The following STK33 variants were observed in gnomAD, a reference collection of about 807,000 sequenced individuals.
STK33 encodes serine/threonine kinase 33, also known as serine/threonine-protein kinase 33.
Under a neutral mutation model 58.0 loss-of-function variants are expected in STK33, and 52 were observed. The observed-to-expected ratio is 0.90, with a 90% confidence interval of 0.72 to 1.13. The LOEUF (loss-of-function observed/expected upper bound fraction) is 1.13, where lower values mean the gene tolerates loss of function less well. Among genes scored for constraint, STK33 ranks in the 50% most tolerant of loss-of-function variants. The pLI is 0.00. For synonymous variants in STK33, 215 were observed against 200.1 expected (o/e 1.07, Z -0.63); for missense variants, 630 against 604.2 (o/e 1.04, Z -0.45).
chr11:8,397,315 G>A (rs1057240104), intron 15 of STK33, among the ~76,000 whole-genome samples: 1 of 152,252 alleles, frequency 6.6e-6, no homozygotes, highest in Non-Finnish European at 1.5e-5. Flanking sequence ...AATATCCGCT[G>A]TTCTGCAGCC....
chr11:8,522,760 CTCCCTT>C (rs562547801), intron 1 of STK33, among the ~76,000 whole-genome samples: 40 of 152,276 alleles, frequency 2.6e-4, no homozygotes, highest in South Asian at 1.5e-3. Context: ...CCCTCTCCCT[CTCCCTT>C]TCCCTCTTTC....
chr11:8,478,979 T>C (rs1168706805), intron 2 of STK33, among the ~76,000 whole-genome samples: 1 of 152,240 alleles, frequency 6.6e-6, no homozygotes, highest in African/African-American at 2.4e-5. Flanking sequence ...AAAATTCACA[T>C]TATTTCAGAA....
At chr11:8,418,678 G>T (rs1431936134) in intron 14 of STK33, among the ~76,000 whole-genome samples, 1 of 152,090 alleles carries the variant, frequency 6.6e-6, no homozygotes, top group East Asian at 1.9e-4. Context: ...TTCCCACAAT[G>T]GTTGAACTAT....
intron 14 of STK33, among the ~76,000 whole-genome samples, chr11:8,422,866 C>A (rs1201863079): frequency 6.6e-6 from 1 of 151,558 alleles, no homozygotes; most frequent in Non-Finnish European, 1.5e-5. Flanking sequence ...ACATTGTCAC[C>A]CAGGCTGGAG....
intron 1 of STK33, among the ~76,000 whole-genome samples, chr11:8,555,950 G>A (rs1448191381): frequency 1.3e-5 from 2 of 152,218 alleles, no homozygotes; most frequent in African/African-American, 4.8e-5. Context: ...CAGCTAGGGT[G>A]ATCAGAGAAG....
At chr11:8,526,568 G>C (rs1954044007) in intron 1 of STK33, among the ~76,000 whole-genome samples, 1 of 151,996 alleles carries the variant, frequency 6.6e-6, no homozygotes, top group Non-Finnish European at 1.5e-5. Flanking sequence ...TGAATGTTCA[G>C]AGCAGGATAA....
intron 1 of STK33, among the ~76,000 whole-genome samples, chr11:8,590,879 T>C (rs1041477886): frequency 7.9e-5 from 12 of 152,178 alleles, no homozygotes; most frequent in African/African-American, 2.4e-4. Context: ...AATTTAACAA[T>C]GCCAAAAAAG....
chr11:8,385,258 A>G, the STK33 span, among the ~76,000 whole-genome samples: 1 of 152,136 alleles, frequency 6.6e-6, no homozygotes, highest in Non-Finnish European at 1.5e-5. Context: ...ATTCATTTAC[A>G]CAGAAGACAA....
the STK33 span, among the ~76,000 whole-genome samples, chr11:8,362,088 T>C: frequency 6.6e-6 from 1 of 152,190 alleles, no homozygotes; most frequent in East Asian, 1.9e-4. Context: ...GTGAGCTGCC[T>C]TCCAAACTCT....
chr11:8,494,928 T>G (rs189412229), intron 1 of STK33, among the ~76,000 whole-genome samples: 1 of 152,262 alleles, frequency 6.6e-6, no homozygotes, highest in Non-Finnish European at 1.5e-5. Flanking sequence ...TCCTTACACC[T>G]TACACAAAAA....
chr11:8,534,556 CTCTCTCTCTCTCTGTG>C (rs1426283799), intron 1 of STK33, among the ~76,000 whole-genome samples: 5 of 130,558 alleles, frequency 3.8e-5, no homozygotes, highest in African/African-American at 1.6e-4. Context: ...CTCTCTCTCT[CTCTCTCTCTCTCTGTG>C]TGTGTGTGTG....
chr11:8,582,282 G>C (rs1449861542), intron 1 of STK33, among the ~76,000 whole-genome samples: 3 of 152,040 alleles, frequency 2.0e-5, no homozygotes, highest in Non-Finnish European at 4.4e-5. Context: ...CAGGAACTAA[G>C]GACAAAACTA....
At chr11:8,378,660 T>C in the STK33 span, among the ~76,000 whole-genome samples, 1 of 152,214 alleles carries the variant, frequency 6.6e-6, no homozygotes, top group African/African-American at 2.4e-5. Flanking sequence ...GTGGGGATTA[T>C]GGGAACTATA....
chr11:8,438,441 CG>C (rs1170718414), intron 12 of STK33, among the ~76,000 whole-genome samples: 1 of 152,014 alleles, frequency 6.6e-6, no homozygotes, highest in Non-Finnish European at 1.5e-5. Context: ...TCAAAGGTAA[CG>C]GATAAACAAG....
chr11:8,561,968 A>G (rs1957142705), intron 1 of STK33, among the ~76,000 whole-genome samples: 1 of 152,116 alleles, frequency 6.6e-6, no homozygotes. Flanking sequence ...TTTCTCCCAC[A>G]AGGCACAGAA....
intron 1 of STK33, among the ~76,000 whole-genome samples, chr11:8,518,997 G>A (rs890604322): frequency 6.6e-6 from 1 of 152,132 alleles, no homozygotes; most frequent in Non-Finnish European, 1.5e-5. Flanking sequence ...GGACCTAATA[G>A]ACATCTACAG....
Position 8,473,284 on chromosome 11 carries a change from C to CA in STK33, c.226-9dup, listed in dbSNP as rs564344154. On this transcript the variant is annotated splice_polypyrimidine_tract_variant and intron_variant, in intron 5 of 15. Coordinates refer to ENST00000687296, the MANE Select transcript of STK33 (RefSeq NM_001352389.2). Reference sequence around the variant, plus strand: ...ATTTGAGGTTCTTGAGGGCTGGGACCAAAAAAAAAATTAAAAAAAAAAAAC... The same window carrying CA: ...ATTTGAGGTTCTTGAGGGCTGGGACCAAAAAAAAAAATTAAAAAAAAAAAAC... 3,311 of 1,335,114 alleles carry CA rather than the reference C, an allele frequency of 2.5e-3. No individual in the cohort carries two copies. Among genetic ancestry groups the CA allele is most frequent in the Non-Finnish European group, 2.8e-3 (2,768 of 986,166 alleles). The allele number at this position is 1,335,114 out of a possible 1,614,324, so 82.7% of individuals were successfully genotyped here. A position where few individuals can be genotyped will look rare whatever the true frequency, so the allele number is the denominator to read the frequency against.
the STK33 span, among the ~76,000 whole-genome samples, chr11:8,345,488 C>T: frequency 5.9e-5 from 9 of 152,208 alleles, no homozygotes; most frequent in Admixed American, 1.3e-4. Flanking sequence ...TGAAAGCACA[C>T]GGATCTTCAC....
chr11:8,458,822 G>C (rs996056905), intron 8 of STK33, among the ~76,000 whole-genome samples: 2 of 152,138 alleles, frequency 1.3e-5, no homozygotes, highest in African/African-American at 4.8e-5. Flanking sequence ...TTGTTTTTAA[G>C]ATCTTGAAGT....
Sources: gnomAD v4.1 joint callset for allele counts (sites outside exome capture counted in the v4.1 genomes callset) on GRCh38, gnomAD v4.1.1 for gene constraint, MANE v1.5 for transcripts, NCBI Gene and HGNC (gene_info 2026-07-23, HGNC 2026-07-21) for gene names.